The following DPP6 variants were observed in gnomAD, a reference collection of about 807,000 sequenced individuals.
The protein encoded by DPP6 is dipeptidyl peptidase like 6.
Under a neutral mutation model 122.6 loss-of-function variants are expected in DPP6, and 69 were observed. That is an observed-to-expected ratio of 0.56 (90% CI 0.46 to 0.69). The LOEUF is 0.69. Among genes scored for constraint, DPP6 ranks in the 30% least tolerant of loss-of-function variants. DPP6 has a pLI of 0.00. For synonymous variants in DPP6, 418 were observed against 433.1 expected, an observed-to-expected ratio of 0.97 and a Z score of 0.43; for missense variants, 928 against 1,116.9, an observed-to-expected ratio of 0.83 and a Z score of 2.41.
chr7:154,426,616 C>T (rs11772869), intron 1 of DPP6, among the ~76,000 whole-genome samples: 85,303 of 151,698 alleles, frequency 0.56, 26,535 homozygotes, highest in South Asian at 0.68. Flanking sequence ...GTCTGGTTCC[C>T]ATATCGGTGA....
intron 16 of DPP6, among the ~76,000 whole-genome samples, chr7:154,845,557 A>G (rs1260517583): frequency 6.6e-6 from 1 of 152,220 alleles, no homozygotes; most frequent in Non-Finnish European, 1.5e-5. Context: ...AGATATATGT[A>G]ACGTAAATGG....
chr7:154,421,409 G>A (rs913855762), intron 1 of DPP6, among the ~76,000 whole-genome samples: 3 of 149,942 alleles, frequency 2.0e-5, no homozygotes, highest in East Asian at 4.0e-4. Flanking sequence ...TGCAACCTCC[G>A]CCTCCCAGGT....
intron 23 of DPP6, among the ~76,000 whole-genome samples, chr7:154,888,356 TG>T (rs1806333856): frequency 6.6e-6 from 1 of 152,104 alleles, no homozygotes; most frequent in African/African-American, 2.4e-5. Flanking sequence ...CCCAAAGTGC[TG>T]GGATTACAGG....
intron 1 of DPP6, among the ~76,000 whole-genome samples, chr7:154,141,743 C>T (rs186831410): frequency 6.6e-6 from 1 of 152,160 alleles, no homozygotes; most frequent in Non-Finnish European, 1.5e-5. Context: ...TGTTGGAGCT[C>T]ATTTCAAGTA....
intron 1 of DPP6, among the ~76,000 whole-genome samples, chr7:154,214,211 G>A (rs934695812): frequency 2.0e-5 from 3 of 152,202 alleles, no homozygotes; most frequent in African/African-American, 7.2e-5. Context: ...GGGATTTCAA[G>A]ACCAAAGGCT....
intron 8 of DPP6, among the ~76,000 whole-genome samples, chr7:154,766,313 C>A (rs1473981119): frequency 6.6e-6 from 1 of 151,824 alleles, no homozygotes; most frequent in Non-Finnish European, 1.5e-5. Context: ...AAGTTCCCTT[C>A]TTTTATTTTA....
chr7:154,429,693 T>C (rs1347928224), intron 1 of DPP6, among the ~76,000 whole-genome samples: 2 of 152,184 alleles, frequency 1.3e-5, no homozygotes. Context: ...CGCCTCGGAA[T>C]GGCTACCCAA....
chr7:153,924,936 T>G (rs1412756866), intron 1 of DPP6, among the ~76,000 whole-genome samples: 1 of 152,160 alleles, frequency 6.6e-6, no homozygotes, highest in East Asian at 1.9e-4. Context: ...TCAAGAAAGA[T>G]CTGGACTCGA....
At chr7:153,772,781 CAAAG>C in the DPP6 span, among the ~76,000 whole-genome samples, 1 of 148,376 alleles carries the variant, frequency 6.7e-6, no homozygotes, top group African/African-American at 2.4e-5. Flanking sequence ...ATCATTAACA[CAAAG>C]AAGCTGGAGT....
intron 1 of DPP6, among the ~76,000 whole-genome samples, chr7:154,185,912 G>C (rs58085274): frequency 0.02 from 3,025 of 152,262 alleles, 187 homozygotes; most frequent in East Asian, 0.14. Flanking sequence ...CATGTGTATA[G>C]TATATAAGCG....
intron 1 of DPP6, among the ~76,000 whole-genome samples, chr7:154,377,311 G>C (rs1813212605): frequency 6.6e-6 from 1 of 152,172 alleles, no homozygotes; most frequent in South Asian, 2.1e-4. Flanking sequence ...CATCCCAAGG[G>C]CAGGAAGTGG....
Position 154,833,350 on chromosome 7 carries a change from G to A in DPP6, c.1667-20430G>A, listed in dbSNP as rs750782441. On this transcript the variant is annotated intron_variant, in intron 16 of 25. Transcript: ENST00000377770. This position sits in a 1 kb window ranked among gnomAD's most constrained non-coding sequence, Gnocchi z 4.3. ...GGGCTGTAGGAAGCCAAGAAAAGGA[G>A]TGTTTGGTAACTGGTAAAAATGGGG... Among the ~76,000 whole-genome samples, 20 of 152,338 alleles carry A rather than the reference G, an allele frequency of 1.3e-4. No individual in the cohort carries two copies. The highest frequency in any genetic ancestry group is 4.1e-4 in the South Asian group (2 of 4,822).
intron 7 of DPP6, among the ~76,000 whole-genome samples, chr7:154,670,979 A>G (rs1255425189): frequency 2.0e-5 from 3 of 152,226 alleles, no homozygotes; most frequent in Non-Finnish European, 4.4e-5. Flanking sequence ...TCACAGGGTG[A>G]CAGGAGGAAG....
chr7:154,828,319 T>G (rs79739833), intron 16 of DPP6, among the ~76,000 whole-genome samples: 3 of 147,522 alleles, frequency 2.0e-5, no homozygotes, highest in African/African-American at 7.7e-5. Flanking sequence ...CTGTAAAATC[T>G]TTTTTTTTTA....
At chr7:154,730,943 C>G (rs901005476) in intron 8 of DPP6, among the ~76,000 whole-genome samples, 3 of 152,200 alleles carry the variant, frequency 2.0e-5, no homozygotes, top group Non-Finnish European at 4.4e-5. Context: ...GGCATTTACA[C>G]GAAATTGTGT....
chr7:154,319,109 G>A (rs931767890), intron 1 of DPP6, among the ~76,000 whole-genome samples: 1 of 152,210 alleles, frequency 6.6e-6, no homozygotes, highest in African/African-American at 2.4e-5. Context: ...ATGCCTGTGT[G>A]CAGCCTCTCT....
At chr7:154,641,237 C>A (rs1836068325) in intron 6 of DPP6, among the ~76,000 whole-genome samples, 1 of 152,064 alleles carries the variant, frequency 6.6e-6, no homozygotes, top group South Asian at 2.1e-4. Context: ...TTGATATAAT[C>A]AAAAATCTAT....
chr7:153,909,362 C>G (rs1243884863), intron 1 of DPP6, among the ~76,000 whole-genome samples: 1 of 152,058 alleles, frequency 6.6e-6, no homozygotes, highest in Non-Finnish European at 1.5e-5. Flanking sequence ...TTCCAGAGCA[C>G]TTGGAGCAGT....
intron 7 of DPP6, among the ~76,000 whole-genome samples, chr7:154,696,388 T>G (rs1451535736): frequency 1.3e-5 from 2 of 152,090 alleles, no homozygotes; most frequent in Non-Finnish European, 2.9e-5. Flanking sequence ...CCCAGAGCAG[T>G]CCAAGTTTAC....
Sources: allele counts gnomAD v4.1 joint callset (sites outside exome capture counted in the v4.1 genomes callset), GRCh38; gene constraint gnomAD v4.1.1; non-coding constraint Gnocchi (gnomAD v3.1); transcripts MANE v1.5; gene names NCBI Gene and HGNC (gene_info 2026-07-23, HGNC 2026-07-21).